ACAN: variants seen among roughly 807,000 people sequenced by gnomAD.
ACAN encodes aggrecan core protein.
A neutral mutation model predicts 169.1 loss-of-function variants in ACAN; 47 were observed. The ratio of observed to expected loss-of-function variants is 0.28; its 90% CI spans 0.22 to 0.35. The LOEUF is 0.35. ACAN is among the 10% of genes least tolerant of loss of function. The pLI is 1.00. For missense variants in ACAN, 2,716 were observed against 2,759.9 expected (o/e 0.98, Z 0.36); for synonymous variants, 1,115 against 1,112.2 (o/e 1.00, Z -0.05).
Position 88,874,101 on chromosome 15 carries a change from T to C in ACAN, c.7630+77T>C. The C allele has an allele frequency of 1.3e-6, 2 of 1,543,042 alleles. No individual in the cohort carries two copies. Among genetic ancestry groups the C allele is most frequent in the Non-Finnish European group, 1.8e-6 (2 of 1,138,090 alleles). Reference sequence around the variant, plus strand: ...ACAGCCTTCCCCCCGTCCCCTCTCCTGGGGACCCTACACCGTCCACAGGGT... The same window carrying C: ...ACAGCCTTCCCCCCGTCCCCTCTCCCGGGGACCCTACACCGTCCACAGGGT... On this transcript the variant is annotated intron_variant, in intron 18 of 18. Transcript: ENST00000560601. The surrounding 1 kb of genome is among the most constrained non-coding windows in gnomAD (Gnocchi z 7.3).
intron 12 of ACAN, 92 bp downstream of exon 12, chr15:88,859,509 C>G (rs577472671): frequency 6.6e-7 from 1 of 1,511,956 alleles, no homozygotes; most frequent in South Asian, 1.2e-5. Flanking sequence ...CTTTAAGGTT[C>G]CAAGAACAAC....
chr15:88,824,879 G>A (rs1237037959), intron 1 of ACAN, among the ~76,000 whole-genome samples: 3 of 149,138 alleles, frequency 2.0e-5, no homozygotes, highest in South Asian at 2.1e-4. Context: ...CTGACAGAGC[G>A]AGACTCTGTC....
At chr15:88,806,903 A>G (rs1382618819) in intron 1 of ACAN, among the ~76,000 whole-genome samples, 1 of 152,226 alleles carries the variant, frequency 6.6e-6, no homozygotes, top group African/African-American at 2.4e-5. Context: ...CCTATGTAGC[A>G]AAGGTAAGTA....
intron 1 of ACAN, among the ~76,000 whole-genome samples, chr15:88,822,512 G>C (rs1409192802): frequency 2.0e-5 from 3 of 151,616 alleles, no homozygotes; most frequent in Non-Finnish European, 4.4e-5. Flanking sequence ...TGTTGCCCAG[G>C]CTGGAGTGCA....
intron 11 of ACAN, 142 bp downstream of exon 11, chr15:88,852,175 T>C (rs1040222964): frequency 1.8e-5 from 23 of 1,292,102 alleles, no homozygotes; most frequent in Non-Finnish European, 2.2e-5. Flanking sequence ...TGTTCTGCTA[T>C]GGGCAACTTC....
Position 88,851,667 on chromosome 15 carries a change from C to A in ACAN, c.2027-127C>A. 1 of 1,153,436 alleles carries A rather than the reference C, an allele frequency of 8.7e-7. No individual in the cohort carries two copies. The highest frequency in any genetic ancestry group is 1.2e-6 in the Non-Finnish European group (1 of 835,872). 71.5% of individuals were successfully genotyped at this position (1,153,436 alleles called of 1,614,324 possible). On this transcript the variant is annotated intron_variant, in intron 10 of 18. Transcript: ENST00000560601. The surrounding 1 kb of genome is among the most constrained non-coding windows in gnomAD (Gnocchi z 4.3). ...TCTTACTAAGCGAGAAGGCAAACAG[C>A]CATCTGCTGAACTAGGAGGTGGGGC...
At position 88,868,482 on chromosome 15, in the gene ACAN, C is replaced by T. The variant is rs1897316750; in HGVS notation, c.7060+153C>T. Among the ~76,000 whole-genome samples, 1 of 152,188 alleles carries T rather than the reference C, an allele frequency of 6.6e-6. No homozygotes were observed. Among genetic ancestry groups the T allele is most frequent in the Admixed American group, 6.5e-5 (1 of 15,284 alleles). ...TCAGGGGCCACAACTGAAAATTCTG[C>T]CCCACTGATTCCCACTCTTTTTCTT... is the stretch of plus-strand genomic sequence containing the variant. On this transcript the variant is annotated intron_variant, in intron 14 of 18. Transcript: ENST00000560601. This position sits in a 1 kb window ranked among gnomAD's most constrained non-coding sequence, Gnocchi z 5.2.
chr15:88,840,190 A>G lies in ACAN; in HGVS notation c.629+4A>G, dbSNP rs1481399138. ...GGCTGGCTGACCAGACTGTCAGGTG[A>G]GCCCTAGCCCATCAGCTAGTGGGGG... On this transcript the variant is annotated splice_donor_region_variant and intron_variant, in intron 4 of 18. Transcript: ENST00000560601. The G allele has an allele frequency of 3.8e-6, 6 of 1,587,334 alleles. No homozygotes were observed. The highest frequency in any genetic ancestry group is 5.1e-6 in the Non-Finnish European group (6 of 1,168,442).
Position 88,874,496 on chromosome 15 carries a change from A to G in ACAN, c.*15A>G. 1.9e-6 allele frequency: 3 copies of G among 1,589,800 alleles called. No homozygotes were observed. The highest frequency in any genetic ancestry group is 2.6e-6 in the Non-Finnish European group (3 of 1,168,232). ...CAGCCCACTGAGAAGAGCTTCCAGG[A>G]CGCACCCAGGACGCTGAGCCCAGGA... On this transcript the variant is annotated 3_prime_UTR_variant, in exon 19 of 19. Coordinates refer to ENST00000560601, the MANE Select transcript of ACAN (RefSeq NM_001369268.1). This position sits in a 1 kb window ranked among gnomAD's most constrained non-coding sequence, Gnocchi z 7.3.
intron 6 of ACAN, among the ~76,000 whole-genome samples, chr15:88,844,056 C>A (rs1896734287): frequency 6.6e-6 from 1 of 152,224 alleles, no homozygotes; most frequent in East Asian, 1.9e-4. Flanking sequence ...ACCCTGGCAC[C>A]CATGGGAGGG....
At chr15:88,805,732 T>A (rs1189869700) in intron 1 of ACAN, among the ~76,000 whole-genome samples, 2 of 152,250 alleles carry the variant, frequency 1.3e-5, no homozygotes, top group Non-Finnish European at 2.9e-5. Context: ...CTATTATCAT[T>A]CTTAATTCTA....
chr15:88,831,327 G>C (rs1896357322), intron 1 of ACAN, among the ~76,000 whole-genome samples: 2 of 152,188 alleles, frequency 1.3e-5, no homozygotes, highest in South Asian at 4.1e-4. Flanking sequence ...AATCAATACA[G>C]CCATGCACAT....
At position 88,861,987 on chromosome 15, in the gene ACAN, G is replaced by A. The variant is rs532528422; in HGVS notation, c.6946+1548G>A. Among the ~76,000 whole-genome samples the A allele has an allele frequency of 9.8e-5, 15 of 152,304 alleles. No homozygotes were observed. The highest frequency in any genetic ancestry group is 9.2e-4 in the Admixed American group (14 of 15,300). On this transcript the variant is annotated intron_variant, in intron 13 of 18. Coordinates refer to ENST00000560601, the MANE Select transcript of ACAN (RefSeq NM_001369268.1). This position sits in a 1 kb window ranked among gnomAD's most constrained non-coding sequence, Gnocchi z 6.3. ...TGGTAACTACCCCCATTTGAGACTGGAACTCAGAGGAGTTAAGTAATTTGC... is the reference window on the plus strand; with the variant it reads ...TGGTAACTACCCCCATTTGAGACTGAAACTCAGAGGAGTTAAGTAATTTGC...
chr15:88,835,630 AGC>A (rs1896483472), intron 1 of ACAN, among the ~76,000 whole-genome samples: 1 of 152,302 alleles, frequency 6.6e-6, no homozygotes, highest in South Asian at 2.1e-4. Context: ...ACCTAGGAAG[AGC>A]AGATGTTTCA....
In ACAN at chr15:88,847,442, C is replaced by A. The variant is rs766310405; in HGVS notation, c.1604+25C>A. ...GGTGAAGCCATGCTCCTCGCCCAGCCCAAACCCAATTGAAGAGGTCAGGCT... is the reference window on the plus strand; with the variant it reads ...GGTGAAGCCATGCTCCTCGCCCAGCACAAACCCAATTGAAGAGGTCAGGCT... On this transcript the variant is annotated intron_variant, in intron 8 of 18. Coordinates refer to ENST00000560601, the MANE Select transcript of ACAN (RefSeq NM_001369268.1). 2.0e-5 allele frequency: 30 copies of A among 1,534,448 alleles called. No homozygotes were observed. In the South Asian group the frequency reaches 3.4e-4, roughly 18 times the overall value.
In ACAN at chr15:88,866,195, G is replaced by C. The variant is rs1030333726; in HGVS notation, c.6947-2021G>C. Among the ~76,000 whole-genome samples, 2 of 152,170 alleles carry C rather than the reference G, an allele frequency of 1.3e-5. No homozygotes were observed. The highest frequency in any genetic ancestry group is 4.2e-4 in the South Asian group (2 of 4,810). ...TACCCCCCAGCCTGACCTCCGCTGG[G>C]GTGTCTTTCCTTTCCTGCCCTTTCT... On this transcript the variant is annotated intron_variant, in intron 13 of 18. Transcript: ENST00000560601. This position sits in a 1 kb window ranked among gnomAD's most constrained non-coding sequence, Gnocchi z 5.6.
At chr15:88,830,829 A>C (rs566503962) in intron 1 of ACAN, among the ~76,000 whole-genome samples, 133 of 152,278 alleles carry the variant, frequency 8.7e-4, no homozygotes, top group African/African-American at 3.2e-3. Flanking sequence ...AGGCTACACT[A>C]AATTTGTAAA....
In ACAN at chr15:88,873,673, C is replaced by A. The variant is rs1897434862; in HGVS notation, c.7448-169C>A. 4.5e-6 allele frequency: 3 copies of A among 662,604 alleles called. No homozygotes were observed. Among genetic ancestry groups the A allele is most frequent in the East Asian group, 2.7e-5 (1 of 36,480 alleles). The allele number at this position is 662,604 out of a possible 1,614,324, so 41.0% of individuals were successfully genotyped here. On this transcript the variant is annotated intron_variant, in intron 17 of 18. Transcript: ENST00000560601. This position sits in a 1 kb window ranked among gnomAD's most constrained non-coding sequence, Gnocchi z 7.5. ...CCTGCTGTTCTAAATTGTTGAGGAA[C>A]CCAGATGTTACAGCCAGCGGCTTCC...
chr15:88,873,131 G>A lies in ACAN; in HGVS notation c.7447+106G>A. On this transcript the variant is annotated intron_variant, in intron 17 of 18. Coordinates refer to ENST00000560601, the MANE Select transcript of ACAN (RefSeq NM_001369268.1). This position sits in a 1 kb window ranked among gnomAD's most constrained non-coding sequence, Gnocchi z 7.5. Reference sequence around the variant, plus strand: ...GGGGTGAGTCCCTTGTCTTCTGGCTGCTGGTGTCTCCTCACTTGTCCAAAA... The same window carrying A: ...GGGGTGAGTCCCTTGTCTTCTGGCTACTGGTGTCTCCTCACTTGTCCAAAA... 7.1e-7 allele frequency: 1 copy of A among 1,404,012 alleles called. No homozygotes were observed. Among genetic ancestry groups the A allele is most frequent in the Non-Finnish European group, 9.6e-7 (1 of 1,041,626 alleles). The allele number at this position is 1,404,012 out of a possible 1,614,324, so 87.0% of individuals were successfully genotyped here.
Sources: allele counts gnomAD v4.1 joint callset (sites outside exome capture counted in the v4.1 genomes callset), GRCh38; gene constraint gnomAD v4.1.1; non-coding constraint Gnocchi (gnomAD v3.1); transcripts MANE v1.5; gene names NCBI Gene and HGNC (gene_info 2026-07-23, HGNC 2026-07-21).